The following PCNX2 variants were observed in gnomAD, a reference collection of about 807,000 sequenced individuals.
PCNX2 encodes pecanex-like protein 2.
Under a neutral mutation model 223.8 loss-of-function variants are expected in PCNX2, and 168 were observed. That is an observed-to-expected ratio of 0.75 (90% confidence interval 0.66 to 0.85). The LOEUF (loss-of-function observed/expected upper bound fraction) is 0.85. Among genes scored for constraint, PCNX2 ranks in the 40% least tolerant of loss-of-function variants. The probability of loss-of-function intolerance (pLI) is 0.00; values close to 1 mark genes in which losing one functional copy is unlikely to be tolerated. For synonymous variants in PCNX2, 1,006 were observed against 1,052.6 expected, an observed-to-expected ratio of 0.96 and a Z score of 0.86; for missense variants, 2,507 against 2,675.5, an observed-to-expected ratio of 0.94 and a Z score of 1.39.
chr1:233,323,908 T>C, the PCNX2 span, among the ~76,000 whole-genome samples: 1 of 152,216 alleles, frequency 6.6e-6, no homozygotes, highest in Non-Finnish European at 1.5e-5. Context: ...AAAGCCAAGA[T>C]AGGCTGAAAG....
At chr1:233,208,793 A>T (rs1276103258) in intron 12 of PCNX2, 104 bp from the exon 13 acceptor site, 5 of 765,664 alleles carry the variant, frequency 6.5e-6, no homozygotes, top group Non-Finnish European at 9.0e-6. Context: ...TATACATATA[A>T]CACATTTTCC....
At chr1:233,214,256 C>T (rs1681993389) in intron 12 of PCNX2, among the ~76,000 whole-genome samples, 1 of 152,228 alleles carries the variant, frequency 6.6e-6, no homozygotes, top group Admixed American at 6.5e-5. Flanking sequence ...CTCAGGGACA[C>T]TGCATTGTTT....
At chr1:233,105,905 A>G (rs1219791260) in intron 21 of PCNX2, among the ~76,000 whole-genome samples, 3 of 152,206 alleles carry the variant, frequency 2.0e-5, no homozygotes, top group Non-Finnish European at 4.4e-5. Flanking sequence ...GGAATGCACA[A>G]AACTCAAAGG....
intron 25 of PCNX2, among the ~76,000 whole-genome samples, chr1:233,045,887 A>G (rs1205822202): frequency 6.6e-6 from 1 of 152,210 alleles, no homozygotes; most frequent in East Asian, 1.9e-4. Context: ...CTGTGGTGTG[A>G]TTTTAGACTT....
chr1:233,113,176 T>C (rs1223033824), intron 21 of PCNX2, among the ~76,000 whole-genome samples: 7 of 152,164 alleles, frequency 4.6e-5, no homozygotes, highest in African/African-American at 1.7e-4. Flanking sequence ...GATTGTGGTT[T>C]ATTCTTCCTG....
At chr1:233,120,164 C>CAAAAAAAAAAAAAAAAAAAAAGAAAAAA (rs1228898502) in intron 21 of PCNX2, among the ~76,000 whole-genome samples, 1 of 42,668 alleles carries the variant, frequency 2.3e-5, no homozygotes, top group Non-Finnish European at 4.5e-5. Flanking sequence ...GACTCCATTT[C>CAAAAAAAAAAAAAAAAAAAAAGAAAAAA]AAAAAAAAAA....
the PCNX2 span, among the ~76,000 whole-genome samples, chr1:233,317,232 G>A: frequency 6.5e-3 from 986 of 152,178 alleles, 11 homozygotes; most frequent in African/African-American, 0.023. Flanking sequence ...TGGCCAACAT[G>A]GTGAAATCCT....
chr1:233,202,926 C>T lies in PCNX2; in HGVS notation c.2864-2662G>A, dbSNP rs1483643012. On this transcript the variant is annotated intron_variant, in intron 13 of 33. Coordinates refer to ENST00000258229, the MANE Select transcript of PCNX2 (RefSeq NM_014801.4). Reference sequence around the variant, plus strand: ...TGAAGTTTTTCCATGCCAGAGAACTCATTTCACTAAGCAACCTATTCTACG... The same window carrying T: ...TGAAGTTTTTCCATGCCAGAGAACTTATTTCACTAAGCAACCTATTCTACG... Among the ~76,000 whole-genome samples the T allele has an allele frequency of 3.3e-5, 5 of 152,306 alleles. No individual in the cohort carries two copies. In the East Asian group the frequency reaches 9.7e-4, roughly 29 times the overall value.
upstream of PCNX2, among the ~76,000 whole-genome samples, chr1:233,300,296 C>T (rs1662238049): frequency 6.6e-6 from 1 of 152,116 alleles, no homozygotes; most frequent in Non-Finnish European, 1.5e-5. Context: ...TTTCTGGCAC[C>T]CAGTGTTAGC....
intron 23 of PCNX2, among the ~76,000 whole-genome samples, chr1:233,088,192 C>A (rs1200992381): frequency 6.6e-6 from 1 of 152,134 alleles, no homozygotes; most frequent in Non-Finnish European, 1.5e-5. Flanking sequence ...AAAAGATTCC[C>A]CTTTCCACTG....
intron 1 of PCNX2, among the ~76,000 whole-genome samples, chr1:233,284,048 T>A (rs1438297320): frequency 6.6e-6 from 1 of 152,110 alleles, no homozygotes; most frequent in East Asian, 1.9e-4. Context: ...GATAACTCAT[T>A]TTAGAATAAG....
chr1:233,223,447 G>C (rs182323823), intron 10 of PCNX2, among the ~76,000 whole-genome samples: 2 of 152,224 alleles, frequency 1.3e-5, no homozygotes, highest in Non-Finnish European at 2.9e-5. Context: ...GGGTAAGACA[G>C]GATTTTTAAA....
chr1:233,177,892 G>T lies in PCNX2; in HGVS notation c.3183C>A (p.Phe1061Leu). 5.0e-6 allele frequency: 8 copies of T among 1,613,400 alleles called. No homozygotes were observed. The highest frequency in any genetic ancestry group is 6.8e-6 in the Non-Finnish European group (8 of 1,179,386). ...QSSDPSVLMS[F>L]IQCRLFPKFL... ...ATTTAGGAAACAGCCTGCATTGGAT[G>T]AAGGACCTGAAAGTGGAAAAACACA... Residue 1061 changes from phenylalanine to leucine, a missense_variant, in exon 17 of 34, where the codon TTC becomes TTA. By Grantham distance (22) the Phe-to-Leu change is conservative. Coordinates refer to ENST00000258229, the MANE Select transcript of PCNX2 (RefSeq NM_014801.4).
chr1:233,208,509 T>G lies in PCNX2; in HGVS notation c.2863+9A>C. 6.2e-7 allele frequency: 1 copy of G among 1,606,540 alleles called. No individual in the cohort carries two copies. Among genetic ancestry groups the G allele is most frequent in the Non-Finnish European group, 8.5e-7 (1 of 1,174,294 alleles). ...CATATTCTTCCCCACAACCCCATAA[T>G]TAACTCACCTATTAAGTAGTCCCTA... On this transcript the variant is annotated intron_variant, in intron 13 of 33. Coordinates refer to ENST00000258229, the MANE Select transcript of PCNX2 (RefSeq NM_014801.4).
At chr1:233,065,776 T>C (rs1333679151) in intron 23 of PCNX2, 1 of 152,134 alleles carries the variant, frequency 6.6e-6, no homozygotes, top group Non-Finnish European at 1.5e-5. Flanking sequence ...AACCTCTCTG[T>C]AACAGCCAAA....
intron 23 of PCNX2, 157 bp from the exon 24 acceptor site, chr1:233,057,447 G>T (rs1341841737): frequency 4.8e-6 from 3 of 629,138 alleles, no homozygotes; most frequent in Non-Finnish European, 8.6e-6. Flanking sequence ...AGGAAGAGAG[G>T]AGTCTCATGA....
At chr1:232,988,709 C>T (rs77458534) in intron 32 of PCNX2, among the ~76,000 whole-genome samples, 5,388 of 152,148 alleles carry the variant, frequency 0.035, 197 homozygotes, top group African/African-American at 0.09. Context: ...AACACAGCCT[C>T]CCTCTCCAAT....
chr1:233,041,023 A>T (rs1211430153), intron 25 of PCNX2, among the ~76,000 whole-genome samples: 2 of 151,722 alleles, frequency 1.3e-5, no homozygotes, highest in Non-Finnish European at 2.9e-5. Flanking sequence ...TCCCTCTTTC[A>T]CACCCTCACT....
At position 233,038,622 on chromosome 1, in the gene PCNX2, C is replaced by A. The variant is rs572806285; in HGVS notation, c.4352-13223G>T. Among the ~76,000 whole-genome samples, 5 of 152,188 alleles carry A rather than the reference C, an allele frequency of 3.3e-5. No individual in the cohort carries two copies. In the South Asian group the frequency reaches 1.0e-3, roughly 32 times the overall value. ...CATTATTGTATGGGTAAGTTTGGAA[C>A]CAAGGGATTTGAAAGATTACTCAAT... is the stretch of plus-strand genomic sequence containing the variant. On this transcript the variant is annotated intron_variant, in intron 25 of 33. Transcript: ENST00000258229.
Sources: allele counts gnomAD v4.1 joint callset (sites outside exome capture counted in the v4.1 genomes callset), GRCh38; gene constraint gnomAD v4.1.1; transcripts MANE v1.5; gene names NCBI Gene and HGNC (gene_info 2026-07-23, HGNC 2026-07-21).